WDR62: variants seen among roughly 807,000 people sequenced by gnomAD.
WDR62 encodes WD repeat-containing protein 62.
WDR62 carries 112 observed loss-of-function variants against 160.6 expected under a neutral mutation model. That is an observed-to-expected ratio of 0.70 (90% CI 0.60 to 0.82). The LOEUF is 0.82. Among genes scored for constraint, WDR62 ranks in the 40% least tolerant of loss-of-function variants. The pLI is 0.00. For missense variants in WDR62, 1,819 were observed against 1,983.8 expected (o/e 0.92, Z 1.58); for synonymous variants, 792 against 815.1 (o/e 0.97, Z 0.48).
In WDR62 at chr19:36,081,478, T is replaced by C; in HGVS notation, c.1279T>C (p.Ser427Pro). ...EDQRACLPSG[S>P]FLTCSSDNTI... ...CCAGAGAGCTTGTTTGCCATCAGGA[T>C]CCTTTCTGACTTGTTCTTCAGACAA... Residue 427 changes from serine to proline, a missense_variant, in exon 10 of 32, where the codon TCC becomes CCC. Physicochemically the swap from Ser to Pro is moderately conservative, Grantham distance 74 (BLOSUM62 -1). This residue lies in a region of WDR62 where 934 missense variants were observed against 1,157.2 expected (regional missense o/e 0.81). Transcript: ENST00000401500. 6.2e-7 allele frequency: 1 copy of C among 1,614,188 alleles called. No homozygotes were observed. Among genetic ancestry groups the C allele is most frequent in the Admixed American group, 1.7e-5 (1 of 60,024 alleles).
At chr19:36,081,816 G>T (rs1568345646) in intron 10 of WDR62, 1 of 639,878 alleles carries the variant, frequency 1.6e-6, no homozygotes, top group Middle Eastern at 2.5e-4. Flanking sequence ...CTGCAGATGT[G>T]TGGACGTGGC....
chr19:36,060,657 A>G (rs1478919923), intron 3 of WDR62: 2 of 153,732 alleles, frequency 1.3e-5, no homozygotes, highest in Non-Finnish European at 2.9e-5. Flanking sequence ...ACAGGCCAGG[A>G]ATGTGCTTTT....
intron 9 of WDR62, chr19:36,074,281 G>A (rs1971459961): frequency 1.3e-5 from 2 of 153,806 alleles, no homozygotes; most frequent in Non-Finnish European, 1.4e-5. Flanking sequence ...ACTCCAGCCT[G>A]GGTAACAGTG....
intron 10 of WDR62, 108 bp downstream of exon 10, chr19:36,081,678 T>C: frequency 6.6e-7 from 1 of 1,516,622 alleles, no homozygotes; most frequent in Non-Finnish European, 9.1e-7. Flanking sequence ...TTAGGTTCCA[T>C]GAGGGCAAGA....
At chr19:36,060,072 G>T (rs747479360) in intron 3 of WDR62, 42 bp downstream of exon 3, 27 of 1,596,238 alleles carry the variant, frequency 1.7e-5, no homozygotes, top group South Asian at 1.5e-4. Context: ...GGAACCAGGG[G>T]CTTGGCACGC....
chr19:36,100,171 A>G (rs2145850959), intron 22 of WDR62, among the ~76,000 whole-genome samples: 1 of 152,304 alleles, frequency 6.6e-6, no homozygotes, highest in South Asian at 2.1e-4. Context: ...GAGGGCTTTT[A>G]CAGGAATCCA....
chr19:36,069,418 G>T (rs1038299556), intron 7 of WDR62, among the ~76,000 whole-genome samples: 18 of 148,952 alleles, frequency 1.2e-4, no homozygotes, highest in African/African-American at 4.0e-4. Context: ...GGCGCTCCCC[G>T]CATCTCAGAC....
At chr19:36,099,664 G>C in intron 22 of WDR62, 47 bp downstream of exon 22, 1 of 1,593,242 alleles carries the variant, frequency 6.3e-7, no homozygotes, top group Non-Finnish European at 8.6e-7. Context: ...GCACCGTGAC[G>C]GCCCCAGGGC....
chr19:36,103,981 G>A lies in WDR62; in HGVS notation c.4153G>A (p.Gly1385Ser), dbSNP rs764128952. 1.9e-5 allele frequency: 30 copies of A among 1,597,492 alleles called. No individual in the cohort carries two copies. The highest frequency in any genetic ancestry group is 8.3e-5 in the Admixed American group (5 of 59,998). ...TGCCTCCCTCCTGGAGCCCACCTCC[G>A]GTGAGTACAGCCCTGGAGCAAGGAC... Reference protein sequence around the residue: ...GTASLLEPTSGALGLLQGSPA... With the variant: ...GTASLLEPTSSALGLLQGSPA... Residue 1385 changes from glycine to serine, a missense_variant and splice_region_variant, in exon 30 of 32, where the codon GGT (glycine) becomes AGT (serine). By Grantham distance (56) the Gly-to-Ser change is moderately conservative. This residue lies in a region of WDR62 where 770 missense variants were observed against 734.2 expected (regional missense o/e 1.05). Transcript: ENST00000401500.
chr19:36,083,398 A>G (rs1972018972), intron 11 of WDR62, among the ~76,000 whole-genome samples, 157 bp downstream of exon 11: 1 of 152,198 alleles, frequency 6.6e-6, no homozygotes, highest in Non-Finnish European at 1.5e-5. Flanking sequence ...TTGGGAACTT[A>G]AGCTCGTAAG....
chr19:36,088,306 C>CA (rs1002273305), intron 13 of WDR62, among the ~76,000 whole-genome samples: 6 of 150,716 alleles, frequency 4.0e-5, no homozygotes, highest in African/African-American at 7.3e-5. Flanking sequence ...AACTCTGTCT[C>CA]AAAAAAAAAG....
chr19:36,097,134 G>A, intron 21 of WDR62, 55 bp downstream of exon 21: 1 of 1,561,964 alleles, frequency 6.4e-7, no homozygotes, highest in Middle Eastern at 1.7e-4. Flanking sequence ...CGCCTCCCCA[G>A]CTCTGCCTTC....
At chr19:36,098,431 G>A (rs914751808) in intron 21 of WDR62, among the ~76,000 whole-genome samples, 1 of 152,040 alleles carries the variant, frequency 6.6e-6, no homozygotes, top group African/African-American at 2.4e-5. Flanking sequence ...TGGGCATGGT[G>A]GTGCATGCCT....
At chr19:36,110,257 C>T in the WDR62 span, among the ~76,000 whole-genome samples, 3 of 151,464 alleles carry the variant, frequency 2.0e-5, no homozygotes, top group South Asian at 2.1e-4. Context: ...GATCACTTGA[C>T]GTCAGGAGTT....
intron 9 of WDR62, chr19:36,073,878 G>C (rs1443379195): frequency 2.7e-6 from 1 of 376,556 alleles, no homozygotes; most frequent in Non-Finnish European, 5.2e-6. Context: ...AGACCTGCAG[G>C]AAATCGGGGA....
chr19:36,064,909 T>C (rs1343675007), intron 3 of WDR62, among the ~76,000 whole-genome samples: 1 of 152,134 alleles, frequency 6.6e-6, no homozygotes, highest in Non-Finnish European at 1.5e-5. Flanking sequence ...TCCACCCCAT[T>C]TATTGTGAGG....
At chr19:36,098,675 A>G (rs1973128263) in intron 21 of WDR62, among the ~76,000 whole-genome samples, 1 of 152,120 alleles carries the variant, frequency 6.6e-6, no homozygotes, top group Non-Finnish European at 1.5e-5. Context: ...CAACTGAAAC[A>G]GGGAATCTTT....
At chr19:36,086,387 A>G (rs577752757) in intron 12 of WDR62, among the ~76,000 whole-genome samples, 5 of 152,258 alleles carry the variant, frequency 3.3e-5, no homozygotes, top group African/African-American at 1.2e-4. Context: ...AGCAGGCAAG[A>G]GCGCTGGGCT....
chr19:36,103,392 G>C lies in WDR62; in HGVS notation c.3564G>C (p.Leu1188=). The stretch of plus-strand genomic sequence containing the variant: ...CCTGTGTCCCTGCTTCCTCCGTGCT[G>C]CCCACAGACAGGAATCTCCCAACGC... ...LASCVPASSV[L]PTDRNLPTPT... The change falls in exon 30 of 32, where the codon CTG becomes CTC. Residue 1188 remains leucine, a synonymous_variant. Coordinates refer to ENST00000401500, the MANE Select transcript of WDR62 (RefSeq NM_001083961.2). The C allele has an allele frequency of 6.2e-7, 1 of 1,614,064 alleles. No homozygotes were observed. The highest frequency in any genetic ancestry group is 8.5e-7 in the Non-Finnish European group (1 of 1,180,010).
Sources: allele counts gnomAD v4.1 joint callset (sites outside exome capture counted in the v4.1 genomes callset), GRCh38; gene constraint gnomAD v4.1.1; regional missense constraint gnomAD v4.1.1; transcripts MANE v1.5; gene names NCBI Gene and HGNC (gene_info 2026-07-23, HGNC 2026-07-21).